The following NKAIN2 variants were observed in gnomAD, a reference collection of about 807,000 sequenced individuals.
NKAIN2 encodes the protein sodium/potassium-transporting ATPase subunit beta-1-interacting protein 2.
Under a neutral mutation model 32.6 loss-of-function variants are expected in NKAIN2, and 14 were observed. The observed-to-expected ratio is 0.43, with a 90% CI of 0.28 to 0.67. The LOEUF (loss-of-function observed/expected upper bound fraction) is 0.67, where lower values mean the gene tolerates loss of function less well. Ranked by LOEUF, NKAIN2 falls within the 30% of genes least tolerant of loss-of-function variation. NKAIN2 has a pLI of 0.17. For missense variants in NKAIN2, 198 were observed against 258.3 expected (o/e 0.77, Z 1.60); for synonymous variants, 80 against 87.2 (o/e 0.92, Z 0.46).
chr6:124,445,872 G>A (rs959515065), intron 3 of NKAIN2, among the ~76,000 whole-genome samples: 11 of 152,062 alleles, frequency 7.2e-5, no homozygotes, highest in East Asian at 5.8e-4. Flanking sequence ...AAAAACATAC[G>A]TGAGATTGCC....
intron 1 of NKAIN2, among the ~76,000 whole-genome samples, chr6:123,883,674 CT>C (rs1773570406): frequency 7.2e-6 from 1 of 139,202 alleles, no homozygotes; most frequent in African/African-American, 2.7e-5. Context: ...TTTAAAAAAC[CT>C]CTTTAAAAAA....
At chr6:123,969,111 C>A (rs1446427828) in intron 1 of NKAIN2, among the ~76,000 whole-genome samples, 2 of 152,146 alleles carry the variant, frequency 1.3e-5, no homozygotes, top group Non-Finnish European at 2.9e-5. Flanking sequence ...AACCCAATCT[C>A]AGTATCTCCT....
At chr6:123,875,624 TA>T (rs1773135627) in intron 1 of NKAIN2, among the ~76,000 whole-genome samples, 1 of 152,022 alleles carries the variant, frequency 6.6e-6, no homozygotes, top group South Asian at 2.1e-4. Context: ...GTTATTGATA[TA>T]GAGAGGTTTT....
intron 1 of NKAIN2, among the ~76,000 whole-genome samples, chr6:123,911,339 C>T (rs1333026365): frequency 6.6e-6 from 1 of 151,964 alleles, no homozygotes; most frequent in Non-Finnish European, 1.5e-5. Context: ...CAGGAAGCTT[C>T]CACTCATAGT....
intron 1 of NKAIN2, among the ~76,000 whole-genome samples, chr6:124,154,399 T>G (rs760856630): frequency 6.6e-6 from 1 of 151,902 alleles, no homozygotes; most frequent in African/African-American, 2.4e-5. Context: ...TGACAGACAT[T>G]ATTTGTCTGT....
Position 124,763,909 on chromosome 6 carries a change from T to C in NKAIN2, c.475-27430T>C, listed in dbSNP as rs190533072. Reference sequence around the variant, plus strand: ...TTTGCTTCCCTCAAATGTTTCAACATTTCCTATGTCATAACTGGACCCCAA... The same window carrying C: ...TTTGCTTCCCTCAAATGTTTCAACACTTCCTATGTCATAACTGGACCCCAA... On this transcript the variant is annotated intron_variant, in intron 4 of 6. Transcript: ENST00000368417. Among the ~76,000 whole-genome samples, 352 of 152,332 alleles carry C rather than the reference T, an allele frequency of 2.3e-3. 3 individuals carry two copies. Among genetic ancestry groups the C allele is most frequent in the African/African-American group, 8.1e-3 (338 of 41,588 alleles).
chr6:123,833,691 C>CTGTGTGTGTGTGTG (rs59906355), intron 1 of NKAIN2, among the ~76,000 whole-genome samples: 118 of 129,568 alleles, frequency 9.1e-4, no homozygotes, highest in South Asian at 8.9e-3. Flanking sequence ...ATTTTTTTTC[C>CTGTGTGTGTGTGTG]TGTGTGTGTG....
intron 1 of NKAIN2, among the ~76,000 whole-genome samples, chr6:123,929,496 C>T (rs1776155904): frequency 6.6e-6 from 1 of 152,054 alleles, no homozygotes; most frequent in Admixed American, 6.5e-5. Context: ...CACAGTAGCT[C>T]AGGGCAAATT....
chr6:124,371,787 A>T (rs989011884), intron 3 of NKAIN2, among the ~76,000 whole-genome samples: 1 of 152,004 alleles, frequency 6.6e-6, no homozygotes, highest in African/African-American at 2.4e-5. Context: ...TAAAGGTAAA[A>T]AAAACACACT....
chr6:124,184,151 T>C lies in NKAIN2; in HGVS notation c.55-98854T>C, dbSNP rs925261390. Among the ~76,000 whole-genome samples the C allele has an allele frequency of 3.3e-5, 5 of 152,150 alleles. No individual in the cohort carries two copies. In the East Asian group the frequency reaches 5.8e-4, roughly 18 times the overall value. On this transcript the variant is annotated intron_variant, in intron 1 of 6. Transcript: ENST00000368417. ...TAAATTTTAAAAGGAATCTAACTTA[T>C]CAAACTTAACTGCTACTTCAGGGAT... is the stretch of plus-strand genomic sequence containing the variant.
chr6:124,598,235 C>T (rs1345547512), intron 3 of NKAIN2, among the ~76,000 whole-genome samples: 2 of 152,026 alleles, frequency 1.3e-5, no homozygotes, highest in African/African-American at 4.8e-5. Context: ...TTAGTTATAT[C>T]CCCCAAATAA....
Position 124,795,857 on chromosome 6 carries a change from T to A in NKAIN2, c.535+4458T>A, listed in dbSNP as rs76967398. Among the ~76,000 whole-genome samples the A allele has an allele frequency of 3.7e-3, 561 of 152,240 alleles. 2 individuals are homozygous for A. Among genetic ancestry groups the A allele is most frequent in the African/African-American group, 0.013 (542 of 41,532 alleles). On this transcript the variant is annotated intron_variant, in intron 5 of 6. Coordinates refer to ENST00000368417, the MANE Select transcript of NKAIN2 (RefSeq NM_001040214.3). ...CCACCTCCTACAGGCCCTACCTCCT[T>A]ACACCATTACATTGGTGATTATGTT...
intron 1 of NKAIN2, among the ~76,000 whole-genome samples, chr6:124,197,769 C>A (rs1282259260): frequency 6.6e-6 from 1 of 151,890 alleles, no homozygotes; most frequent in Non-Finnish European, 1.5e-5. Flanking sequence ...CTCTTACTAC[C>A]CTTTAATACC....
intron 3 of NKAIN2, among the ~76,000 whole-genome samples, chr6:124,475,648 G>A (rs954417365): frequency 9.9e-5 from 15 of 152,118 alleles, no homozygotes; most frequent in African/African-American, 3.4e-4. Context: ...TAACTAGACC[G>A]AAGGTAGTTT....
intron 1 of NKAIN2, among the ~76,000 whole-genome samples, chr6:124,273,986 G>A (rs972785451): frequency 7.9e-5 from 12 of 152,156 alleles, no homozygotes; most frequent in Non-Finnish European, 1.3e-4. Context: ...TAGGCTCTGT[G>A]GAGAAATCAA....
intron 1 of NKAIN2, among the ~76,000 whole-genome samples, chr6:124,104,221 A>G (rs553102239): frequency 2.0e-5 from 3 of 152,354 alleles, no homozygotes; most frequent in African/African-American, 4.8e-5. Flanking sequence ...ATCCAAATTT[A>G]TAACCTTTTT....
intron 3 of NKAIN2, among the ~76,000 whole-genome samples, chr6:124,519,138 A>G (rs372179222): frequency 6.6e-6 from 1 of 152,206 alleles, no homozygotes; most frequent in South Asian, 2.1e-4. Flanking sequence ...AGAAAAAATC[A>G]GGAAACTCGT....
intron 1 of NKAIN2, among the ~76,000 whole-genome samples, chr6:124,279,711 G>A (rs1366918311): frequency 1.3e-5 from 2 of 151,754 alleles, no homozygotes; most frequent in African/African-American, 4.8e-5. Flanking sequence ...CTAAAAATGT[G>A]CTAAAAATGA....
At chr6:124,564,984 A>G (rs1368880571) in intron 3 of NKAIN2, among the ~76,000 whole-genome samples, 4 of 151,872 alleles carry the variant, frequency 2.6e-5, no homozygotes, top group African/African-American at 9.7e-5. Context: ...AACTTTTCAC[A>G]TTTCACCACT....
Sources: allele counts gnomAD v4.1 joint callset (sites outside exome capture counted in the v4.1 genomes callset), GRCh38; gene constraint gnomAD v4.1.1; transcripts MANE v1.5; gene names NCBI Gene and HGNC (gene_info 2026-07-23, HGNC 2026-07-21).